Variants in FCHSD2 observed in about 807,000 individuals in gnomAD.
FCHSD2 encodes FCH and double SH3 domains 2.
Under a neutral mutation model 108.1 loss-of-function variants are expected in FCHSD2, and 38 were observed. The observed-to-expected ratio is 0.35, with a 90% CI of 0.27 to 0.46. The LOEUF (loss-of-function observed/expected upper bound fraction) is 0.46. FCHSD2 is among the 20% of genes least tolerant of loss of function. FCHSD2 has a pLI of 1.00. For synonymous variants in FCHSD2, 279 were observed against 314.7 expected (o/e 0.89, Z 1.20); for missense variants, 751 against 897.8 (o/e 0.84, Z 2.09).
At chr11:72,954,133 A>G (rs1856667102) in intron 8 of FCHSD2, among the ~76,000 whole-genome samples, 1 of 151,986 alleles carries the variant, frequency 6.6e-6, no homozygotes, top group African/African-American at 2.4e-5. Context: ...GAATCTTGCT[A>G]AAGTACATGC....
Position 73,126,738 on chromosome 11 carries a change from C to A in FCHSD2, c.119+13293G>T, listed in dbSNP as rs115708254. ...AAAATTCAAAATACACAAAAAAGAACATACAATAAAAAGCTTAGACTGGGT... is the reference window on the plus strand; with the variant it reads ...AAAATTCAAAATACACAAAAAAGAAAATACAATAAAAAGCTTAGACTGGGT... On this transcript the variant is annotated intron_variant, in intron 2 of 19. Coordinates refer to ENST00000409418, the MANE Select transcript of FCHSD2 (RefSeq NM_014824.3). Among the ~76,000 whole-genome samples the A allele has an allele frequency of 4.5e-3, 680 of 152,086 alleles. 4 individuals are homozygous for A. Among genetic ancestry groups the A allele is most frequent in the African/African-American group, 0.016 (647 of 41,494 alleles).
intron 2 of FCHSD2, among the ~76,000 whole-genome samples, chr11:73,138,239 GT>G (rs930269371): frequency 1.3e-5 from 2 of 152,134 alleles, no homozygotes; most frequent in African/African-American, 4.8e-5. Flanking sequence ...GAAAAATTAA[GT>G]TTATAAAGAT....
At chr11:73,042,111 G>C (rs1259422360) in intron 3 of FCHSD2, among the ~76,000 whole-genome samples, 1 of 152,034 alleles carries the variant, frequency 6.6e-6, no homozygotes, top group Non-Finnish European at 1.5e-5. Context: ...ATTTTTAGTA[G>C]AGACAGGGTT....
At position 73,015,859 on chromosome 11, in the gene FCHSD2, G is replaced by GT; in HGVS notation, c.191dup (p.Tyr64Ter). 6.2e-7 allele frequency: 1 copy of GT among 1,602,158 alleles called. No homozygotes were observed. ...TTACTCCAGGCCAATCTCTCTTCAG[G>GT]TATTGACTAGCCAACTTCTGCATAC... is the stretch of plus-strand genomic sequence containing the variant. ...AQGMQKLASQ[Y>*]LKRDWPGVKA... The change falls in exon 4 of 20, where the codon TAC (tyrosine) becomes TAAC (stop). Residue 64 changes from tyrosine (Y) to a stop codon, truncating the protein, a stop_gained and frameshift_variant. Transcript: ENST00000409418. LOFTEE classifies it high-confidence loss of function.
intron 6 of FCHSD2, among the ~76,000 whole-genome samples, chr11:72,985,785 T>A (rs944595556): frequency 3.3e-5 from 5 of 152,112 alleles, no homozygotes; most frequent in African/African-American, 4.8e-5. Flanking sequence ...AATCTAACAA[T>A]AGGTAGTACA....
chr11:73,015,942 T>C (rs1162991540), intron 3 of FCHSD2, 57 bp from the exon 4 acceptor site: 2 of 967,288 alleles, frequency 2.1e-6, no homozygotes, highest in Non-Finnish European at 3.1e-6. Context: ...AGGAAGCTCT[T>C]TTCCTTAAAA....
chr11:73,137,221 C>T (rs927135342), intron 2 of FCHSD2, among the ~76,000 whole-genome samples: 2 of 151,672 alleles, frequency 1.3e-5, no homozygotes, highest in Non-Finnish European at 2.9e-5. Context: ...AATCAGAAAC[C>T]TAAACTCTTG....
At chr11:72,934,215 T>A (rs1377447285) in intron 8 of FCHSD2, among the ~76,000 whole-genome samples, 4 of 151,818 alleles carry the variant, frequency 2.6e-5, no homozygotes, top group Admixed American at 2.0e-4. Context: ...TGCATCTGTA[T>A]CTTGTCTAGC....
intron 8 of FCHSD2, among the ~76,000 whole-genome samples, chr11:72,968,103 A>G (rs1413680263): frequency 6.6e-6 from 1 of 152,040 alleles, no homozygotes; most frequent in African/African-American, 2.4e-5. Flanking sequence ...AAAAAAAAAA[A>G]AAGAAGTGGG....
chr11:72,948,443 TATC>T (rs1349498129), intron 8 of FCHSD2, among the ~76,000 whole-genome samples: 1 of 152,216 alleles, frequency 6.6e-6, no homozygotes, highest in South Asian at 2.1e-4. Flanking sequence ...TGTAGACAAA[TATC>T]ATAATAGATA....
In FCHSD2 at chr11:72,842,797, C is replaced by G; in HGVS notation, c.1750G>C (p.Asp584His). 1 of 1,613,938 alleles carries G rather than the reference C, an allele frequency of 6.2e-7. No individual in the cohort carries two copies. Among genetic ancestry groups the G allele is most frequent in the Non-Finnish European group, 8.5e-7 (1 of 1,179,860 alleles). The change falls in exon 17 of 20, where the codon GAT becomes CAT. Residue 584 changes from aspartate (D) to histidine (H), a missense_variant. Coordinates refer to ENST00000409418, the MANE Select transcript of FCHSD2 (RefSeq NM_014824.3). The part of the protein sequence containing the change: ...ALYDYEGQTD[D>H]ELSFPEGAII... ...GCTCCCTCAGGAAAAGATAACTCAT[C>G]ATCTGTCTGGCCCTCATAATCATAA...
At chr11:73,099,589 T>C (rs1306845331) in intron 2 of FCHSD2, among the ~76,000 whole-genome samples, 2 of 152,224 alleles carry the variant, frequency 1.3e-5, no homozygotes, top group African/African-American at 4.8e-5. Flanking sequence ...AAATGTGGTA[T>C]ATACATACAA....
At chr11:72,952,988 T>C (rs750918091) in intron 8 of FCHSD2, among the ~76,000 whole-genome samples, 7 of 152,200 alleles carry the variant, frequency 4.6e-5, no homozygotes, top group Non-Finnish European at 5.9e-5. Context: ...TACTCCTCTA[T>C]GGTGCTGGCA....
At chr11:73,114,682 G>A in intron 2 of FCHSD2, among the ~76,000 whole-genome samples, 1 of 151,388 alleles carries the variant, frequency 6.6e-6, no homozygotes, top group East Asian at 2.0e-4. Flanking sequence ...TTCTCTTCAA[G>A]GCAGGAGTTT....
At chr11:73,016,795 A>G (rs11600585) in intron 3 of FCHSD2, among the ~76,000 whole-genome samples, 21,961 of 152,142 alleles carry the variant, frequency 0.14, 2,217 homozygotes, top group South Asian at 0.22. Flanking sequence ...ACTGTTTTAC[A>G]AAGAAATTTG....
Position 72,838,866 on chromosome 11 carries a change from T to C in FCHSD2, c.2148A>G (p.Ala716=), listed in dbSNP as rs766526432. The C allele has an allele frequency of 6.2e-7, 1 of 1,601,844 alleles. No homozygotes were observed. ...TSYGKLRPVR[A]APPPPTQNHR... ...GATTCTGTGTAGGTGGAGGGGGAGC[T>C]GCCCGGACCTGAGCAGGAAACAATT... The change falls in exon 20 of 20, where the codon GCA becomes GCG. Residue 716 remains alanine, a synonymous_variant. Coordinates refer to ENST00000409418, the MANE Select transcript of FCHSD2 (RefSeq NM_014824.3).
At chr11:73,012,042 T>C (rs1857875273) in intron 4 of FCHSD2, among the ~76,000 whole-genome samples, 1 of 152,214 alleles carries the variant, frequency 6.6e-6, no homozygotes, top group African/African-American at 2.4e-5. Flanking sequence ...ACCCTACAGA[T>C]ACACTTTCAG....
intron 8 of FCHSD2, among the ~76,000 whole-genome samples, chr11:72,955,312 AG>A (rs1184002968): frequency 6.6e-6 from 1 of 152,220 alleles, no homozygotes; most frequent in Non-Finnish European, 1.5e-5. Context: ...ATTATTACAA[AG>A]GAACAGATGA....
chr11:73,070,894 T>C (rs1859421045), intron 3 of FCHSD2, among the ~76,000 whole-genome samples: 2 of 152,134 alleles, frequency 1.3e-5, no homozygotes, highest in Non-Finnish European at 2.9e-5. Context: ...TAATGTGGTC[T>C]GAAAACTAAG....
Sources: allele counts gnomAD v4.1 joint callset (sites outside exome capture counted in the v4.1 genomes callset), GRCh38; gene constraint gnomAD v4.1.1; transcripts MANE v1.5; gene names NCBI Gene and HGNC (gene_info 2026-07-23, HGNC 2026-07-21).